The following ACBD4 variants were observed in gnomAD, a reference collection of about 807,000 sequenced individuals.
ACBD4 encodes the protein acyl-CoA binding domain containing 4.
Under a neutral mutation model 46.0 loss-of-function variants are expected in ACBD4, and 41 were observed. That is an observed-to-expected ratio of 0.89 (90% CI 0.69 to 1.16). The LOEUF is 1.16. ACBD4 is among the 50% of genes most tolerant of loss of function. The pLI is 0.00. For synonymous variants in ACBD4, 162 were observed against 155.9 expected, an observed-to-expected ratio of 1.04 and a Z score of -0.29; for missense variants, 393 against 399.5, an observed-to-expected ratio of 0.98 and a Z score of 0.14.
At chr17:45,140,350 T>C (rs1325939546) in intron 9 of ACBD4, among the ~76,000 whole-genome samples, 3 of 150,888 alleles carry the variant, frequency 2.0e-5, no homozygotes, top group Non-Finnish European at 4.4e-5. Flanking sequence ...GCCCAGATAC[T>C]TTTTGTATTT....
chr17:45,134,860 G>A (rs997756634), upstream of ACBD4, among the ~76,000 whole-genome samples: 1 of 151,884 alleles, frequency 6.6e-6, no homozygotes, highest in Admixed American at 6.6e-5. Flanking sequence ...TTGTGCTACC[G>A]AACACTGGAT....
At chr17:45,137,622 C>T (rs1253709146) in intron 6 of ACBD4, 138 bp from the exon 7 acceptor site, 3 of 1,311,486 alleles carry the variant, frequency 2.3e-6, no homozygotes, top group East Asian at 2.3e-5. Context: ...TTCTGGCGCC[C>T]ATCTGTGCCT....
chr17:45,136,618 G>A lies in ACBD4; in HGVS notation c.207G>A (p.Lys69=), dbSNP rs370172638. 4 of 1,613,834 alleles carry A rather than the reference G, an allele frequency of 2.5e-6. No individual in the cohort carries two copies. The African/African-American group carries it at 4.0e-5, about 16-fold the overall frequency. Residue 69 remains lysine, a splice_region_variant and synonymous_variant, in exon 3 of 10, where the codon AAG becomes AAA. Transcript: ENST00000321854. ...PGFWDPIGRY[K]WDAWNSLGKM... ...TCTGGGACCCCATTGGACGATATAA[G>A]TGGTGAGCTCCCTGCTGGCTGGGCA... is the stretch of plus-strand genomic sequence containing the variant.
At position 45,136,764 on chromosome 17, in the gene ACBD4, G is replaced by T; in HGVS notation, c.282G>T (p.Leu94=). Residue 94 remains leucine (L), a synonymous_variant, in exon 4 of 10, where the codon CTG becomes CTT. Transcript: ENST00000321854. The part of the protein sequence containing the change: ...AMSAYITEMK[L]VAQKVIDTVP... ...CTGCCTACATCACTGAAATGAAACT[G>T]GTGGCACAGAAGGTAAGGGCTGCAG... 2 of 1,613,416 alleles carry T rather than the reference G, an allele frequency of 1.2e-6. No homozygotes were observed. The highest frequency in any genetic ancestry group is 1.7e-6 in the Non-Finnish European group (2 of 1,180,014).
At chr17:45,132,646 C>T (rs146231156), upstream of ACBD4, 1,835 of 254,828 alleles carry the variant, frequency 7.2e-3, 25 homozygotes, top group African/African-American at 0.038. The surrounding 1 kb of genome is among the most constrained non-coding windows in gnomAD (Gnocchi z 4.6). Flanking sequence ...CCCGGAGCCT[C>T]AGCGCTCGCC....
chr17:45,134,972 C>T (rs1245682894), upstream of ACBD4, among the ~76,000 whole-genome samples: 1 of 137,702 alleles, frequency 7.3e-6, no homozygotes, highest in East Asian at 2.1e-4. Flanking sequence ...TTTGCTTACT[C>T]TTTTTTTTTT....
intron 8 of ACBD4, 186 bp downstream of exon 8, chr17:45,138,174 C>A (rs1026920937): frequency 1.1e-5 from 7 of 654,658 alleles, no homozygotes; most frequent in Non-Finnish European, 1.6e-5. Flanking sequence ...AAGTCCCCGC[C>A]CTCCCTCCTC....
At position 45,144,060 on chromosome 17, in the gene ACBD4, C is replaced by G. The variant is rs1244479991; in HGVS notation, c.*489C>G. On this transcript the variant is annotated 3_prime_UTR_variant, in exon 10 of 10. Transcript: ENST00000321854. ...GCAGGCCCCGGGGGAGGGGGATGAG[C>G]GCAGTTTGCTCGCTTTCCTCCCCTG... 1.2e-5 allele frequency: 2 copies of G among 162,840 alleles called. No individual in the cohort carries two copies. The highest frequency in any genetic ancestry group is 2.7e-5 in the Non-Finnish European group (2 of 75,004). The allele number at this position is 162,840 out of a possible 1,614,324, so 10.1% of individuals were successfully genotyped here. A position where few individuals can be genotyped will look rare whatever the true frequency, so the allele number is the denominator to read the frequency against.
In ACBD4 at chr17:45,135,879, G is replaced by C. The variant is rs1225656910; in HGVS notation, c.-112G>C. 3 of 444,532 alleles carry C rather than the reference G, an allele frequency of 6.7e-6. No homozygotes were observed. Among genetic ancestry groups the C allele is most frequent in the Non-Finnish European group, 1.2e-5 (3 of 243,288 alleles). The allele number at this position is 444,532 out of a possible 1,614,324, so 27.5% of individuals were successfully genotyped here. On this transcript the variant is annotated 5_prime_UTR_variant, in exon 1 of 10. Coordinates refer to ENST00000321854, the MANE Select transcript of ACBD4 (RefSeq NM_001135705.3). Reference sequence around the variant, plus strand: ...ACCTAAAGGAGGCGCATCTGGGGACGGACACATCTGGCACTGAGGCCCTCG... The same window carrying C: ...ACCTAAAGGAGGCGCATCTGGGGACCGACACATCTGGCACTGAGGCCCTCG...
At chr17:45,138,947 C>T in intron 8 of ACBD4, 74 bp from the exon 9 acceptor site, 2 of 1,534,662 alleles carry the variant, frequency 1.3e-6, no homozygotes, top group East Asian at 2.3e-5. Context: ...CTGGGCTTGC[C>T]CCAGCCTGCC....
chr17:45,139,872 G>C (rs1467241799), intron 9 of ACBD4, among the ~76,000 whole-genome samples: 1 of 152,214 alleles, frequency 6.6e-6, no homozygotes, highest in Non-Finnish European at 1.5e-5. Flanking sequence ...AGTCGGTTCT[G>C]TTGCTACTAT....
chr17:45,141,887 G>C (rs540157251), intron 9 of ACBD4, among the ~76,000 whole-genome samples: 1 of 151,268 alleles, frequency 6.6e-6, no homozygotes, highest in African/African-American at 2.4e-5. Flanking sequence ...GCTAGTTTTT[G>C]ACAATTGCTA....
At chr17:45,131,756 T>G (rs1259220259), upstream of ACBD4, among the ~76,000 whole-genome samples, 4 of 152,214 alleles carry the variant, frequency 2.6e-5, no homozygotes, top group African/African-American at 9.6e-5. Context: ...GTTAGACCAG[T>G]CCTGCCAGAG....
At chr17:45,132,139 C>T (rs2054466287), upstream of ACBD4, 1 of 1,151,324 alleles carries the variant, frequency 8.7e-7, no homozygotes, top group Non-Finnish European at 1.1e-6. The surrounding 1 kb of genome is among the most constrained non-coding windows in gnomAD (Gnocchi z 4.6). Flanking sequence ...GCCATAGCCT[C>T]CCAGCCCCGT....
At chr17:45,135,467 G>A (rs1484340399), upstream of ACBD4, 1 of 152,348 alleles carries the variant, frequency 6.6e-6, no homozygotes, top group East Asian at 1.9e-4. Flanking sequence ...GCACCAGGGG[G>A]CGCTGCCGCC....
In ACBD4 at chr17:45,136,520, G is replaced by A. The variant is rs1396677417; in HGVS notation, c.109G>A (p.Glu37Lys). 6.2e-7 allele frequency: 1 copy of A among 1,613,524 alleles called. No homozygotes were observed. The highest frequency in any genetic ancestry group is 8.5e-7 in the Non-Finnish European group (1 of 1,179,848). The change falls in exon 3 of 10, where the codon GAA (glutamate) becomes AAA (lysine). Residue 37 changes from glutamate to lysine, a missense_variant. By Grantham distance (56) the Glu-to-Lys change is moderately conservative. This residue lies in a region of ACBD4 where 61 missense variants were observed against 50.3 expected (regional missense o/e 1.21). Coordinates refer to ENST00000321854, the MANE Select transcript of ACBD4 (RefSeq NM_001135705.3). Reference protein sequence around the residue: ...PKNGSYRPSYEEMLRFYSYYK... With the variant: ...PKNGSYRPSYKEMLRFYSYYK... The stretch of plus-strand genomic sequence containing the variant: ...CCCAGGTTCTTACCGCCCCTCCTAT[G>A]AAGAGATGCTGCGATTCTACAGTTA...
At chr17:45,138,423 C>T in intron 8 of ACBD4, 1 of 206,890 alleles carries the variant, frequency 4.8e-6, no homozygotes, top group African/African-American at 2.3e-5. Context: ...TCCTTTTTTC[C>T]TCTGAGCAAG....
intron 8 of ACBD4, 97 bp from the exon 9 acceptor site, chr17:45,138,924 C>T (rs2055073665): frequency 7.3e-7 from 1 of 1,365,532 alleles, no homozygotes; most frequent in Non-Finnish European, 1.0e-6. Flanking sequence ...CTGGGTTCCA[C>T]TCCTACACTT....
At chr17:45,142,389 CAAAAAAAAAAAAAAA>C (rs1161132274) in intron 9 of ACBD4, among the ~76,000 whole-genome samples, 6 of 28,574 alleles carry the variant, frequency 2.1e-4, no homozygotes, top group Admixed American at 6.4e-4. Context: ...CAAGACTCCT[CAAAAAAAAAAAAAAA>C]AAAAAAAAAA....
Sources: allele counts gnomAD v4.1 joint callset (sites outside exome capture counted in the v4.1 genomes callset), GRCh38; gene constraint gnomAD v4.1.1; regional missense constraint gnomAD v4.1.1; non-coding constraint Gnocchi (gnomAD v3.1); transcripts MANE v1.5; gene names NCBI Gene and HGNC (gene_info 2026-07-23, HGNC 2026-07-21).